L3MBTL4: variants seen among roughly 807,000 people sequenced by gnomAD.
The protein encoded by L3MBTL4 is lethal(3)malignant brain tumor-like protein 4.
A neutral mutation model predicts 84.5 loss-of-function variants in L3MBTL4; 70 were observed. The observed-to-expected ratio is 0.83, with a 90% CI of 0.68 to 1.01. The LOEUF (loss-of-function observed/expected upper bound fraction) is 1.01, where lower values mean the gene tolerates loss of function less well. L3MBTL4 is among the 50% of genes least tolerant of loss of function. L3MBTL4 has a pLI of 0.00. For synonymous variants in L3MBTL4, 274 were observed against 259.8 expected, an observed-to-expected ratio of 1.05 and a Z score of -0.52; for missense variants, 715 against 754.8, an observed-to-expected ratio of 0.95 and a Z score of 0.62.
chr18:6,225,375 TTAGGAG>T (rs2046736623), intron 10 of L3MBTL4, among the ~76,000 whole-genome samples: 1 of 152,078 alleles, frequency 6.6e-6, no homozygotes, highest in South Asian at 2.1e-4. Context: ...AAGGGAAAGG[TTAGGAG>T]TGAAGCACAA....
In L3MBTL4 at chr18:6,360,043, T is replaced by C. The variant is rs72864847; in HGVS notation, c.-90-47987A>G. On this transcript the variant is annotated intron_variant, in intron 1 of 18. Coordinates refer to ENST00000317931, the MANE Select transcript of L3MBTL4 (RefSeq NM_001330559.2). ...TTCTCTGTTTCATGAATACAGTACTTATAGAGAAACAGAACTCTATAAGGA... is the reference window on the plus strand; with the variant it reads ...TTCTCTGTTTCATGAATACAGTACTCATAGAGAAACAGAACTCTATAAGGA... Among the ~76,000 whole-genome samples the C allele has an allele frequency of 8.9e-3, 1,361 of 152,294 alleles. 17 individuals carry two copies. The highest frequency in any genetic ancestry group is 0.026 in the South Asian group (123 of 4,814).
At chr18:6,386,126 A>G (rs2054806746) in intron 1 of L3MBTL4, among the ~76,000 whole-genome samples, 1 of 152,242 alleles carries the variant, frequency 6.6e-6, no homozygotes, top group South Asian at 2.1e-4. Flanking sequence ...TAGCACACCA[A>G]GCACACAGGG....
At chr18:6,266,641 C>A (rs2048646079) in intron 4 of L3MBTL4, among the ~76,000 whole-genome samples, 1 of 152,158 alleles carries the variant, frequency 6.6e-6, no homozygotes, top group Admixed American at 6.5e-5. Flanking sequence ...TAAAAAATTT[C>A]TGGCCAGGTG....
intron 16 of L3MBTL4, among the ~76,000 whole-genome samples, chr18:6,070,568 A>AG (rs11423180): frequency 0.39 from 59,509 of 151,512 alleles, 12,272 homozygotes; most frequent in East Asian, 0.59. Flanking sequence ...GTGTAATCCC[A>AG]CACTTTGGGA....
chr18:6,177,101 C>T (rs28548331), intron 12 of L3MBTL4, among the ~76,000 whole-genome samples: 7,422 of 152,174 alleles, frequency 0.049, 629 homozygotes, highest in African/African-American at 0.17. Flanking sequence ...AAGCTTAAAC[C>T]GTGTGCCTAC....
At position 6,163,273 on chromosome 18, in the gene L3MBTL4, GT is replaced by G. The variant is rs1598963510; in HGVS notation, c.1096+8554del. On this transcript the variant is annotated intron_variant, in intron 13 of 18. Coordinates refer to ENST00000317931, the MANE Select transcript of L3MBTL4 (RefSeq NM_001330559.2). The stretch of plus-strand genomic sequence containing the variant: ...GTGTGTGTGTGTGGGGGGGGGGTGG[GT>G]GTGTGTGTGTGTGTGTGTGTGTGTG... 1.1e-4 allele frequency among the ~76,000 whole-genome samples: 5 copies of G among 47,558 alleles called. 1 individual carries two copies. Among genetic ancestry groups the G allele is most frequent in the African/African-American group, 2.4e-4 (4 of 16,414 alleles). The allele number at this position is 47,558 out of a possible 152,430, so 31.2% of individuals were successfully genotyped here. A position where few individuals can be genotyped will look rare whatever the true frequency, so the allele number is the denominator to read the frequency against.
rs192497218 is a variant in L3MBTL4 at position 5,999,825 on chromosome 18, T to C, written c.1445-30263A>G. Among the ~76,000 whole-genome samples, 4 of 152,288 alleles carry C rather than the reference T, an allele frequency of 2.6e-5. No homozygotes were observed. The South Asian group carries it at 6.2e-4, about 24-fold the overall frequency. ...AGAATGCAAAGGCACATTCCTTGCT[T>C]GTACAAATGGGGACAGGACCTTGGG... On this transcript the variant is annotated intron_variant, in intron 16 of 18. Transcript: ENST00000317931.
chr18:6,275,905 C>A (rs772623924), intron 4 of L3MBTL4, among the ~76,000 whole-genome samples: 1 of 152,206 alleles, frequency 6.6e-6, no homozygotes, highest in Non-Finnish European at 1.5e-5. Flanking sequence ...CTGGGAACTG[C>A]TTAGGGCAAA....
chr18:5,970,409 C>G (rs2052584066), intron 16 of L3MBTL4, among the ~76,000 whole-genome samples: 1 of 151,590 alleles, frequency 6.6e-6, no homozygotes, highest in South Asian at 2.1e-4. Context: ...GTGCTGGTTT[C>G]CTGTCTTCAA....
chr18:6,291,087 C>A (rs534864591), intron 4 of L3MBTL4, among the ~76,000 whole-genome samples: 7 of 152,176 alleles, frequency 4.6e-5, no homozygotes, highest in African/African-American at 1.7e-4. Flanking sequence ...ACATTTTTCA[C>A]GTTGTAGACA....
chr18:5,969,571 G>C lies in L3MBTL4; in HGVS notation c.1445-9C>G. 2 of 1,584,438 alleles carry C rather than the reference G, an allele frequency of 1.3e-6. No individual in the cohort carries two copies. Among genetic ancestry groups the C allele is most frequent in the Non-Finnish European group, 1.7e-6 (2 of 1,162,330 alleles). On this transcript the variant is annotated splice_polypyrimidine_tract_variant and intron_variant, in intron 16 of 18. Transcript: ENST00000317931. ...CTGCTCCACCGAGTATTCTGTAAGA[G>C]AGGTGGGGTGGGGTGAGGCTCAGGC...
chr18:6,348,394 A>T (rs2053021980), intron 1 of L3MBTL4, among the ~76,000 whole-genome samples: 1 of 152,132 alleles, frequency 6.6e-6, no homozygotes, highest in Admixed American at 6.5e-5. Flanking sequence ...CAACAGCATG[A>T]CCCCAACAGA....
intron 1 of L3MBTL4, among the ~76,000 whole-genome samples, chr18:6,363,351 C>T (rs1023190574): frequency 9.9e-5 from 15 of 152,172 alleles, no homozygotes; most frequent in Admixed American, 8.5e-4. Context: ...TGCCCTAGTC[C>T]CCCTCCAGGA....
intron 1 of L3MBTL4, among the ~76,000 whole-genome samples, chr18:6,402,369 T>C (rs1477852071): frequency 1.3e-5 from 2 of 152,328 alleles, no homozygotes; most frequent in Admixed American, 6.5e-5. Context: ...TATTCTGGCC[T>C]TCTAGAAATA....
intron 16 of L3MBTL4, among the ~76,000 whole-genome samples, chr18:6,061,042 C>T (rs1369380876): frequency 6.6e-6 from 1 of 152,088 alleles, no homozygotes; most frequent in African/African-American, 2.4e-5. Context: ...ATTGCTGGAT[C>T]ATATGTTAAG....
chr18:6,239,904 A>G (rs1390531359), intron 8 of L3MBTL4, 32 bp from the exon 9 acceptor site: 1 of 1,613,006 alleles, frequency 6.2e-7, no homozygotes, highest in Non-Finnish European at 8.5e-7. Flanking sequence ...AAGAAGCACA[A>G]AAAGAAACAG....
intron 1 of L3MBTL4, among the ~76,000 whole-genome samples, chr18:6,410,339 GCTTA>G: frequency 6.6e-6 from 1 of 152,318 alleles, no homozygotes; most frequent in African/African-American, 2.4e-5. Flanking sequence ...TCTTCTTCAG[GCTTA>G]CTTAAAGTCT....
At chr18:6,224,300 C>G (rs1397520759) in intron 10 of L3MBTL4, among the ~76,000 whole-genome samples, 1 of 152,106 alleles carries the variant, frequency 6.6e-6, no homozygotes, top group Non-Finnish European at 1.5e-5. Context: ...ACACATAAAT[C>G]TGTTAACATA....
chr18:6,380,817 T>C (rs555598922), intron 1 of L3MBTL4, among the ~76,000 whole-genome samples: 1 of 152,336 alleles, frequency 6.6e-6, no homozygotes, highest in Non-Finnish European at 1.5e-5. Flanking sequence ...GAGAGTTCTG[T>C]AGATGTCTAT....
Sources: allele counts gnomAD v4.1 joint callset (sites outside exome capture counted in the v4.1 genomes callset), GRCh38; gene constraint gnomAD v4.1.1; transcripts MANE v1.5; gene names NCBI Gene and HGNC (gene_info 2026-07-23, HGNC 2026-07-21).